EFR3B: variants seen among roughly 807,000 people sequenced by gnomAD.
EFR3B encodes the protein EFR3 homolog B.
A neutral mutation model predicts 104.7 loss-of-function variants in EFR3B; 64 were observed. The ratio of observed to expected loss-of-function variants is 0.61; its 90% CI spans 0.50 to 0.75. The LOEUF is 0.75. Ranked by LOEUF, EFR3B falls within the 30% of genes least tolerant of loss-of-function variation. EFR3B has a pLI of 0.00. For missense variants in EFR3B, 750 were observed against 1,078.5 expected, an observed-to-expected ratio of 0.70 and a Z score of 4.27; for synonymous variants, 385 against 417.9, an observed-to-expected ratio of 0.92 and a Z score of 0.96.
intron 1 of EFR3B, among the ~76,000 whole-genome samples, chr2:25,054,725 C>G (rs938200264): frequency 6.6e-6 from 1 of 152,140 alleles, no homozygotes; most frequent in Admixed American, 6.6e-5. Context: ...TAATAAAAAT[C>G]CTTAGAAGGG....
intron 10 of EFR3B, among the ~76,000 whole-genome samples, chr2:25,132,273 A>T (rs1670365911): frequency 6.6e-6 from 1 of 152,186 alleles, no homozygotes; most frequent in African/African-American, 2.4e-5. Context: ...CTGAAGTCTC[A>T]GGCGAACCTT....
In EFR3B at chr2:25,136,394, A is replaced by T; in HGVS notation, c.1485-129A>T. On this transcript the variant is annotated intron_variant, in intron 13 of 22. Coordinates refer to ENST00000403714, the MANE Select transcript of EFR3B (RefSeq NM_014971.2). The surrounding 1 kb of genome is among the most constrained non-coding windows in gnomAD (Gnocchi z 4.0). ...GGGAGGAAAAGGTAATCGGGCTGAGAACCAGGGCCAGGGGAGCACTGGAGG... is the reference window on the plus strand; with the variant it reads ...GGGAGGAAAAGGTAATCGGGCTGAGTACCAGGGCCAGGGGAGCACTGGAGG... 3 of 659,468 alleles carry T rather than the reference A, an allele frequency of 4.5e-6. No homozygotes were observed. Among genetic ancestry groups the T allele is most frequent in the Non-Finnish European group, 7.7e-6 (3 of 389,946 alleles). The allele number at this position is 659,468 out of a possible 1,614,324, so 40.9% of individuals were successfully genotyped here.
rs182336892 is a variant in EFR3B at position 25,145,497 on chromosome 2, C to G, written c.2142+446C>G. On this transcript the variant is annotated intron_variant, in intron 19 of 22. Coordinates refer to ENST00000403714, the MANE Select transcript of EFR3B (RefSeq NM_014971.2). ...GCTGAGGTGGGAGAATCACCTGAGC[C>G]TGGGAGGTCAAGGCTGCTGTAAGCC... 17 of 191,802 alleles carry G rather than the reference C, an allele frequency of 8.9e-5. No individual in the cohort carries two copies. The East Asian group carries it at 2.0e-3, about 23-fold the overall frequency. 11.9% of individuals were successfully genotyped at this position (191,802 alleles called of 1,614,324 possible).
At chr2:25,092,421 CACTT>C (rs763343125) in intron 2 of EFR3B, among the ~76,000 whole-genome samples, 1 of 63,730 alleles carries the variant, frequency 1.6e-5, no homozygotes, top group Admixed American at 1.6e-4. Context: ...CACACACACA[CACTT>C]ACACACACAC....
In EFR3B at chr2:25,099,332, G is replaced by T. The variant is rs1435353740; in HGVS notation, c.213-4305G>T. On this transcript the variant is annotated intron_variant, in intron 3 of 22. Coordinates refer to ENST00000403714, the MANE Select transcript of EFR3B (RefSeq NM_014971.2). ...TGCAGAGCCAGGAATGGCTGTCCTG[G>T]GAGCAAGGAGGAATGGTAGGCATGG... Among the ~76,000 whole-genome samples the T allele has an allele frequency of 2.6e-5, 4 of 151,986 alleles. No individual in the cohort carries two copies. The South Asian group carries it at 8.3e-4, about 32-fold the overall frequency.
intron 21 of EFR3B, 82 bp downstream of exon 21, chr2:25,152,102 G>A: frequency 2.1e-6 from 3 of 1,403,020 alleles, no homozygotes; most frequent in Non-Finnish European, 2.9e-6. Context: ...AAGTTCCTAG[G>A]AGATCTTGGC....
intron 1 of EFR3B, chr2:25,081,350 C>A: frequency 1.1e-6 from 1 of 911,344 alleles, no homozygotes; most frequent in Non-Finnish European, 1.8e-6. Context: ...ACTTGTGAGT[C>A]CCAGAGAACT....
At chr2:25,089,251 C>T (rs907326655) in intron 1 of EFR3B, among the ~76,000 whole-genome samples, 2 of 152,164 alleles carry the variant, frequency 1.3e-5, no homozygotes, top group Admixed American at 6.5e-5. Context: ...AACCCCACAG[C>T]CCCCTTGGGG....
At chr2:25,104,329 A>G (rs1669505852) in intron 4 of EFR3B, among the ~76,000 whole-genome samples, 1 of 152,194 alleles carries the variant, frequency 6.6e-6, no homozygotes, top group African/African-American at 2.4e-5. Flanking sequence ...AGATCATGCC[A>G]CTGCACTCCA....
In EFR3B at chr2:25,131,203, G is replaced by C. The variant is rs1670318686; in HGVS notation, c.850-165G>C. 6.6e-6 allele frequency among the ~76,000 whole-genome samples: 1 copy of C among 152,240 alleles called. No individual in the cohort carries two copies. ...ATTTGGCTCTTTGTTGGAGGGAGAA[G>C]GGAAGGATCCAGTAAAGGGCACGAG... is the stretch of plus-strand genomic sequence containing the variant. On this transcript the variant is annotated intron_variant, in intron 8 of 22. Coordinates refer to ENST00000403714, the MANE Select transcript of EFR3B (RefSeq NM_014971.2). This position sits in a 1 kb window ranked among gnomAD's most constrained non-coding sequence, Gnocchi z 7.6.
chr2:25,086,061 A>G (rs532127720), intron 1 of EFR3B, among the ~76,000 whole-genome samples: 1 of 152,122 alleles, frequency 6.6e-6, no homozygotes, highest in African/African-American at 2.4e-5. Context: ...CCTTAGTAAT[A>G]TACATTTAAG....
intron 1 of EFR3B, among the ~76,000 whole-genome samples, chr2:25,083,226 T>C (rs1170767906): frequency 6.6e-6 from 1 of 152,204 alleles, no homozygotes; most frequent in East Asian, 1.9e-4. Flanking sequence ...TACCTTCAGC[T>C]ACTGTGGTTG....
chr2:25,109,946 C>T lies in EFR3B; in HGVS notation c.363+6159C>T, dbSNP rs59777495. On this transcript the variant is annotated intron_variant, in intron 4 of 22. Coordinates refer to ENST00000403714, the MANE Select transcript of EFR3B (RefSeq NM_014971.2). ...TTTTGCTTTTACTGTGCCACAACCT[C>T]AAACCAAGCCCACTCGGAGGCTGGT... Among the ~76,000 whole-genome samples, 686 of 152,308 alleles carry T rather than the reference C, an allele frequency of 4.5e-3. 5 individuals are homozygous for T. The highest frequency in any genetic ancestry group is 0.015 in the African/African-American group (642 of 41,572).
At chr2:25,144,703 T>C (rs1287924541) in intron 18 of EFR3B, among the ~76,000 whole-genome samples, 2 of 152,226 alleles carry the variant, frequency 1.3e-5, no homozygotes, top group Non-Finnish European at 2.9e-5. Context: ...ATTCTGGTCA[T>C]AAGCACCTTC....
Position 25,152,787 on chromosome 2 carries a change from T to A in EFR3B, c.2298+767T>A, listed in dbSNP as rs1671049129. 2.0e-5 allele frequency among the ~76,000 whole-genome samples: 3 copies of A among 150,366 alleles called. No homozygotes were observed. In the South Asian group the frequency reaches 6.3e-4, roughly 32 times the overall value. Reference sequence around the variant, plus strand: ...CCTAACAAAATATAATATGTATAAATATTTTATATATAATATTCATATAGA... The same window carrying A: ...CCTAACAAAATATAATATGTATAAAAATTTTATATATAATATTCATATAGA... On this transcript the variant is annotated intron_variant, in intron 21 of 22. Coordinates refer to ENST00000403714, the MANE Select transcript of EFR3B (RefSeq NM_014971.2).
chr2:25,065,339 C>A (rs1668303767), intron 1 of EFR3B, among the ~76,000 whole-genome samples: 1 of 149,024 alleles, frequency 6.7e-6, no homozygotes, highest in African/African-American at 2.5e-5. Context: ...CATCACCACA[C>A]CCAGCTATTT....
chr2:25,148,235 C>T (rs141271275), intron 19 of EFR3B, among the ~76,000 whole-genome samples: 1 of 150,716 alleles, frequency 6.6e-6, no homozygotes, highest in African/African-American at 2.4e-5. Context: ...CCTCAGCAGC[C>T]GGGGAGGGCC....
intron 1 of EFR3B, among the ~76,000 whole-genome samples, chr2:25,087,351 C>A (rs950297433): frequency 7.3e-6 from 1 of 136,762 alleles, no homozygotes; most frequent in African/African-American, 2.7e-5. Context: ...TATATAAAAT[C>A]TTCATATATG....
chr2:25,137,274 C>A lies in EFR3B; in HGVS notation c.1561-67C>A, dbSNP rs781038797. 3 of 1,521,608 alleles carry A rather than the reference C, an allele frequency of 2.0e-6. No individual in the cohort carries two copies. The highest frequency in any genetic ancestry group is 2.7e-6 in the Non-Finnish European group (3 of 1,126,740). The allele number at this position is 1,521,608 out of a possible 1,614,324, so 94.3% of individuals were successfully genotyped here. On this transcript the variant is annotated intron_variant, in intron 14 of 22. Transcript: ENST00000403714. This position sits in a 1 kb window ranked among gnomAD's most constrained non-coding sequence, Gnocchi z 4.7. The stretch of plus-strand genomic sequence containing the variant: ...GCCCCCCTTCAGATTGGTCTTCCTC[C>A]GTGTTCTCCTTGCCCCTCCTGTCCC...
Sources: allele counts gnomAD v4.1 joint callset (sites outside exome capture counted in the v4.1 genomes callset), GRCh38; gene constraint gnomAD v4.1.1; non-coding constraint Gnocchi (gnomAD v3.1); transcripts MANE v1.5; gene names NCBI Gene and HGNC (gene_info 2026-07-23, HGNC 2026-07-21).